PBX4: variants seen among roughly 807,000 people sequenced by gnomAD.
PBX4 encodes the protein pre-B-cell leukemia transcription factor 4.
In PBX4, 26 loss-of-function variants were observed where a neutral mutation model predicts 35.1. That is an observed-to-expected ratio of 0.74 (90% CI 0.54 to 1.03). PBX4 has a LOEUF of 1.03. Ranked by LOEUF, PBX4 falls within the 50% of genes least tolerant of loss-of-function variation. The pLI is 0.00. For missense variants in PBX4, 448 were observed against 504.3 expected (o/e 0.89, Z 1.07); for synonymous variants, 199 against 204.2 (o/e 0.97, Z 0.22).
chr19:19,614,372 G>A (rs983753160), intron 1 of PBX4, among the ~76,000 whole-genome samples: 2 of 151,480 alleles, frequency 1.3e-5, no homozygotes, highest in Non-Finnish European at 1.5e-5. Flanking sequence ...AGTGGCTCAC[G>A]CCTGTAATCC....
chr19:19,584,002 G>A (rs376214141), intron 2 of PBX4, among the ~76,000 whole-genome samples: 2 of 152,200 alleles, frequency 1.3e-5, no homozygotes, highest in East Asian at 3.9e-4. Flanking sequence ...CCACGAGGCG[G>A]AGGTTGTGGT....
At chr19:19,571,764 G>C (rs2061384481) in intron 2 of PBX4, among the ~76,000 whole-genome samples, 1 of 152,146 alleles carries the variant, frequency 6.6e-6, no homozygotes, top group African/African-American at 2.4e-5. Flanking sequence ...CGGGCACAGT[G>C]GCTCACGCCT....
intron 2 of PBX4, among the ~76,000 whole-genome samples, chr19:19,575,105 C>T (rs542818039): frequency 1.3e-5 from 2 of 151,972 alleles, no homozygotes; most frequent in African/African-American, 2.4e-5. Context: ...GGCGTGGTGG[C>T]GGGTGCCTGT....
chr19:19,607,866 T>C (rs1371051382), intron 1 of PBX4, among the ~76,000 whole-genome samples: 1 of 152,234 alleles, frequency 6.6e-6, no homozygotes, highest in Non-Finnish European at 1.5e-5. Flanking sequence ...AATAGAATAC[T>C]ACTTGAAAAA....
Position 19,570,615 on chromosome 19 carries a change from A to C in PBX4, c.412T>G (p.Tyr138Asp), listed in dbSNP as rs1197342132. The C allele has an allele frequency of 6.2e-7, 1 of 1,614,100 alleles. No individual in the cohort carries two copies. Among genetic ancestry groups the C allele is most frequent in the African/African-American group, 1.3e-5 (1 of 74,948 alleles). ...TCATATTTCTCTAGCTCAGAGTGGT[A>C]AATCTGTCGGATCTGGGACAGCTTG... ...RAKLSQIRQIYHSELEKYEQA... is the reference protein window; with the variant it reads ...RAKLSQIRQIDHSELEKYEQA... Residue 138 changes from tyrosine to aspartate, a missense_variant, in exon 3 of 8, where the codon TAC becomes GAC. By Grantham distance (160) the Tyr-to-Asp change is radical. Coordinates refer to ENST00000251203, the MANE Select transcript of PBX4 (RefSeq NM_025245.3).
At chr19:19,604,478 A>AAAAAAAAAAT (rs71170701) in intron 1 of PBX4, among the ~76,000 whole-genome samples, 1 of 150,626 alleles carries the variant, frequency 6.6e-6, no homozygotes, top group Admixed American at 6.6e-5. Context: ...AAAAAAAAAA[A>AAAAAAAAAAT]GGAATACAAC....
chr19:19,597,619 C>A (rs914714482), intron 2 of PBX4, among the ~76,000 whole-genome samples: 1 of 152,216 alleles, frequency 6.6e-6, no homozygotes, highest in Admixed American at 6.5e-5. Flanking sequence ...CATATACACA[C>A]ACTTTCCACA....
chr19:19,613,764 G>A (rs537376759), intron 1 of PBX4, among the ~76,000 whole-genome samples: 47 of 152,130 alleles, frequency 3.1e-4, no homozygotes, highest in Non-Finnish European at 6.0e-4. Context: ...TCAGTGTCAT[G>A]AAACTACTGA....
intron 1 of PBX4, among the ~76,000 whole-genome samples, chr19:19,601,572 C>T (rs2061597284): frequency 6.6e-6 from 1 of 152,086 alleles, no homozygotes; most frequent in Non-Finnish European, 1.5e-5. Context: ...AGTTTAAGGA[C>T]CTTGAGATGG....
chr19:19,574,168 C>T (rs964097471), intron 2 of PBX4, among the ~76,000 whole-genome samples: 4 of 152,176 alleles, frequency 2.6e-5, no homozygotes, highest in Non-Finnish European at 5.9e-5. Context: ...TGAGCCACCG[C>T]ACCTGGCCTG....
At chr19:19,573,736 G>GT (rs71170696) in intron 2 of PBX4, among the ~76,000 whole-genome samples, 28,151 of 150,504 alleles carry the variant, frequency 0.19, 3,250 homozygotes, top group East Asian at 0.29. Flanking sequence ...TCCTTTTTTT[G>GT]TTTTTTTTTC....
At chr19:19,602,968 A>G (rs977477912) in intron 1 of PBX4, among the ~76,000 whole-genome samples, 5 of 152,138 alleles carry the variant, frequency 3.3e-5, no homozygotes, top group African/African-American at 1.2e-4. Context: ...CCAACTAGAG[A>G]CCACTCCTCT....
At chr19:19,568,965 C>T (rs762705411) in intron 5 of PBX4, among the ~76,000 whole-genome samples, 3 of 152,228 alleles carry the variant, frequency 2.0e-5, no homozygotes, top group African/African-American at 4.8e-5. Flanking sequence ...CACAGATGAA[C>T]GGGGAGAGCG....
chr19:19,576,534 A>G (rs932328589), intron 2 of PBX4, among the ~76,000 whole-genome samples: 1 of 150,820 alleles, frequency 6.6e-6, no homozygotes, highest in Non-Finnish European at 1.5e-5. Flanking sequence ...AAAAAAAAAA[A>G]TTTTTTTTTT....
intron 2 of PBX4, among the ~76,000 whole-genome samples, chr19:19,585,249 C>T (rs147482931): frequency 1.3e-5 from 2 of 151,610 alleles, no homozygotes; most frequent in Non-Finnish European, 2.9e-5. Context: ...CTCTTGAACC[C>T]GGGAGGCAGA....
At chr19:19,598,469 G>C (rs1031020312) in intron 2 of PBX4, among the ~76,000 whole-genome samples, 6 of 151,670 alleles carry the variant, frequency 4.0e-5, no homozygotes, top group African/African-American at 1.5e-4. Context: ...GGCTAATTTT[G>C]TATTTTTAGT....
chr19:19,589,692 C>A (rs1260822602), intron 2 of PBX4, among the ~76,000 whole-genome samples: 1 of 152,034 alleles, frequency 6.6e-6, no homozygotes, highest in Admixed American at 6.6e-5. Context: ...CCCGCTTGAA[C>A]CCGGGAAGTG....
In PBX4 at chr19:19,605,595, C is replaced by T. The variant is rs376519372; in HGVS notation, c.120-6230G>A. Among the ~76,000 whole-genome samples, 21 of 151,842 alleles carry T rather than the reference C, an allele frequency of 1.4e-4. No homozygotes were observed. In the East Asian group the frequency reaches 4.1e-3, roughly 29 times the overall value. On this transcript the variant is annotated intron_variant, in intron 1 of 7. Transcript: ENST00000251203. Reference sequence around the variant, plus strand: ...GAGCTGTGATCACACCACTGTACTCCAGCCTGGGCGACAGAGTGAGACCCT... The same window carrying T: ...GAGCTGTGATCACACCACTGTACTCTAGCCTGGGCGACAGAGTGAGACCCT...
At chr19:19,613,842 C>T (rs2061675435) in intron 1 of PBX4, among the ~76,000 whole-genome samples, 1 of 152,182 alleles carries the variant, frequency 6.6e-6, no homozygotes, top group Admixed American at 6.6e-5. Flanking sequence ...TGCTCTCCGA[C>T]TAGCCTAACA....
Sources: allele counts gnomAD v4.1 joint callset (sites outside exome capture counted in the v4.1 genomes callset), GRCh38; gene constraint gnomAD v4.1.1; transcripts MANE v1.5; gene names NCBI Gene and HGNC (gene_info 2026-07-23, HGNC 2026-07-21).